The following FHIT variants were observed in gnomAD, a reference collection of about 807,000 sequenced individuals.
FHIT encodes the protein bis(5'-adenosyl)-triphosphatase.
A neutral mutation model predicts 17.9 loss-of-function variants in FHIT; 19 were observed. The observed-to-expected ratio is 1.06, with a 90% CI of 0.74 to 1.56. The LOEUF is 1.56. Ranked by LOEUF, FHIT falls within the 40% of genes most tolerant of loss-of-function variation. The pLI is 0.00. For synonymous variants in FHIT, 81 were observed against 69.7 expected (o/e 1.16, Z -0.81); for missense variants, 248 against 189.2 (o/e 1.31, Z -1.82).
intron 4 of FHIT, among the ~76,000 whole-genome samples, chr3:60,785,896 G>GACACACACACAC (rs71092634): frequency 1.2e-5 from 1 of 85,804 alleles, no homozygotes; most frequent in Admixed American, 1.1e-4. Flanking sequence ...ACAAACAGAA[G>GACACACACACAC]ACACACACAC....
intron 4 of FHIT, among the ~76,000 whole-genome samples, chr3:60,753,842 C>A (rs1254030523): frequency 7.9e-5 from 12 of 151,942 alleles, no homozygotes; most frequent in Non-Finnish European, 1.5e-4. Flanking sequence ...ATCCTTAACT[C>A]TTCACTAAGT....
chr3:60,593,328 A>G (rs1553665069), intron 4 of FHIT, among the ~76,000 whole-genome samples: 2 of 152,190 alleles, frequency 1.3e-5, no homozygotes, highest in African/African-American at 4.8e-5. Context: ...ATTACAAAGA[A>G]TAGCACTAGC....
intron 3 of FHIT, among the ~76,000 whole-genome samples, chr3:60,860,966 TATC>T (rs527274163): frequency 9.4e-6 from 1 of 106,226 alleles, no homozygotes; most frequent in Non-Finnish European, 2.0e-5. Context: ...TATACGTATA[TATC>T]ATGTATATAT....
At chr3:60,431,513 A>G in intron 5 of FHIT, among the ~76,000 whole-genome samples, 1 of 152,050 alleles carries the variant, frequency 6.6e-6, no homozygotes, top group East Asian at 1.9e-4. Flanking sequence ...CCTCCCACAC[A>G]TACTTGAAAG....
chr3:59,968,313 G>C (rs902998841), intron 7 of FHIT, among the ~76,000 whole-genome samples: 1 of 151,960 alleles, frequency 6.6e-6, no homozygotes, highest in Non-Finnish European at 1.5e-5. Context: ...GTAGATTTTT[G>C]ATAAAGTAAA....
Position 60,029,879 on chromosome 3 carries a change from T to TTG in FHIT, c.104-15729_104-15728dup, listed in dbSNP as rs746113510. Among the ~76,000 whole-genome samples the TTG allele has an allele frequency of 6.4e-3, 844 of 131,442 alleles. 7 individuals are homozygous for TTG. The highest frequency in any genetic ancestry group is 0.021 in the African/African-American group (757 of 35,990). 86.2% of individuals were successfully genotyped at this position (131,442 alleles called of 152,430 possible). On this transcript the variant is annotated intron_variant, in intron 5 of 9. Coordinates refer to ENST00000492590, the MANE Select transcript of FHIT (RefSeq NM_002012.4). ...TTGGGCAGATGTCCTCATAGAAGCATTGTGTGTGTGTGTGTGTCTGTGTGT... is the reference window on the plus strand; with the variant it reads ...TTGGGCAGATGTCCTCATAGAAGCATTGTGTGTGTGTGTGTGTGTCTGTGTGT...
At chr3:60,596,874 G>T (rs1478360378) in intron 4 of FHIT, among the ~76,000 whole-genome samples, 1 of 152,100 alleles carries the variant, frequency 6.6e-6, no homozygotes, top group Non-Finnish European at 1.5e-5. Context: ...TGTGAAGACA[G>T]ATGTTAGTAT....
chr3:60,075,729 A>G (rs984597300), intron 5 of FHIT, among the ~76,000 whole-genome samples: 15 of 152,042 alleles, frequency 9.9e-5, no homozygotes, highest in African/African-American at 3.4e-4. Flanking sequence ...CCTATTCTCT[A>G]TAATACATGG....
At chr3:60,644,588 A>G (rs1274117935) in intron 4 of FHIT, among the ~76,000 whole-genome samples, 2 of 152,352 alleles carry the variant, frequency 1.3e-5, no homozygotes, top group Admixed American at 6.5e-5. Context: ...ATAAAACACA[A>G]CATTTTACTC....
At chr3:61,015,494 A>G (rs1369126945) in intron 3 of FHIT, among the ~76,000 whole-genome samples, 1 of 152,130 alleles carries the variant, frequency 6.6e-6, no homozygotes, top group Non-Finnish European at 1.5e-5. Context: ...AATTAATTAC[A>G]TCTCAGGAAC....
chr3:60,611,299 C>T (rs2038778234), intron 4 of FHIT, among the ~76,000 whole-genome samples: 1 of 152,186 alleles, frequency 6.6e-6, no homozygotes, highest in South Asian at 2.1e-4. Context: ...TTTAACAAAA[C>T]ATTCCTAGGT....
At chr3:60,797,455 C>CAGTAGTAGTAGTAGTAGT (rs59090057) in intron 4 of FHIT, among the ~76,000 whole-genome samples, 465 of 148,104 alleles carry the variant, frequency 3.1e-3, no homozygotes, top group Non-Finnish European at 4.9e-3. Context: ...AAAGAAATTG[C>CAGTAGTAGTAGTAGTAGT]AGTAGTAGTA....
intron 8 of FHIT, among the ~76,000 whole-genome samples, chr3:59,795,230 A>G (rs995139961): frequency 6.6e-6 from 1 of 152,058 alleles, no homozygotes; most frequent in African/African-American, 2.4e-5. Context: ...TATTAAAAAT[A>G]TAAAAATTAG....
At chr3:60,465,496 C>CTTCT (rs1336605360) in intron 5 of FHIT, among the ~76,000 whole-genome samples, 1 of 151,980 alleles carries the variant, frequency 6.6e-6, no homozygotes, top group African/African-American at 2.4e-5. Context: ...CCCCCAGTGT[C>CTTCT]TTCTTGTAGA....
rs182896273 is a variant in FHIT at position 60,072,221 on chromosome 3, A to C, written c.104-58069T>G. 2.4e-4 allele frequency among the ~76,000 whole-genome samples: 37 copies of C among 152,312 alleles called. No homozygotes were observed. The East Asian group carries it at 7.1e-3, about 29-fold the overall frequency. ...ACTCTTGCTTTAAGAGGAATAAATCAAAGTGGCTTCGGATACATTAACCCT... is the reference window on the plus strand; with the variant it reads ...ACTCTTGCTTTAAGAGGAATAAATCCAAGTGGCTTCGGATACATTAACCCT... On this transcript the variant is annotated intron_variant, in intron 5 of 9. Transcript: ENST00000492590.
chr3:60,927,384 G>A (rs1707683883), intron 3 of FHIT, among the ~76,000 whole-genome samples: 1 of 152,178 alleles, frequency 6.6e-6, no homozygotes, highest in African/African-American at 2.4e-5. Flanking sequence ...TGCTGAGATT[G>A]CAGCCTCTGC....
chr3:59,915,895 G>T (rs1575690390), intron 8 of FHIT, among the ~76,000 whole-genome samples: 1 of 149,770 alleles, frequency 6.7e-6, no homozygotes, highest in African/African-American at 2.5e-5. Flanking sequence ...TTGGGCCACT[G>T]CTGGCCAGCC....
chr3:60,212,713 T>C (rs1249499605), intron 5 of FHIT, among the ~76,000 whole-genome samples: 2 of 152,062 alleles, frequency 1.3e-5, no homozygotes, highest in Non-Finnish European at 2.9e-5. Flanking sequence ...GCAAGGCATA[T>C]GAAATATCAC....
intron 3 of FHIT, among the ~76,000 whole-genome samples, chr3:60,826,287 G>T (rs1324615147): frequency 1.3e-5 from 2 of 148,836 alleles, no homozygotes; most frequent in African/African-American, 5.0e-5. Context: ...GATAGATGAG[G>T]TTAGTTTTTT....
Sources: allele counts gnomAD v4.1 joint callset (sites outside exome capture counted in the v4.1 genomes callset), GRCh38; gene constraint gnomAD v4.1.1; transcripts MANE v1.5; gene names NCBI Gene and HGNC (gene_info 2026-07-23, HGNC 2026-07-21).